Variants in NRG3 observed in about 807,000 individuals in gnomAD.
NRG3 encodes neuregulin 3.
NRG3 carries 31 observed loss-of-function variants against 66.9 expected under a neutral mutation model. That is an observed-to-expected ratio of 0.46 (90% CI 0.35 to 0.63). The LOEUF (loss-of-function observed/expected upper bound fraction) is 0.63, where lower values mean the gene tolerates loss of function less well. Among genes scored for constraint, NRG3 ranks in the 20% least tolerant of loss-of-function variants. The probability of loss-of-function intolerance (pLI) is 0.00; values close to 1 mark genes in which losing one functional copy is unlikely to be tolerated. For missense variants in NRG3, 910 were observed against 878.9 expected (o/e 1.04, Z -0.45); for synonymous variants, 393 against 359.4 (o/e 1.09, Z -1.06).
At chr10:82,105,481 C>T (rs2067003797) in intron 1 of NRG3, among the ~76,000 whole-genome samples, 2 of 152,114 alleles carry the variant, frequency 1.3e-5, no homozygotes, top group African/African-American at 4.8e-5. Flanking sequence ...GGGACCCTGT[C>T]TGGCATTGCA....
chr10:82,190,386 A>C (rs2074068346), intron 1 of NRG3, among the ~76,000 whole-genome samples: 1 of 152,216 alleles, frequency 6.6e-6, no homozygotes, highest in Non-Finnish European at 1.5e-5. Context: ...AAATTGAAAT[A>C]GATAATTTAA....
At chr10:81,999,297 A>T (rs6584455) in intron 1 of NRG3, among the ~76,000 whole-genome samples, 1 of 151,912 alleles carries the variant, frequency 6.6e-6, no homozygotes, top group Non-Finnish European at 1.5e-5. Flanking sequence ...AAATTGAAGA[A>T]AACGATAAAA....
chr10:82,931,956 T>G (rs1847618298), intron 4 of NRG3, among the ~76,000 whole-genome samples: 1 of 152,232 alleles, frequency 6.6e-6, no homozygotes, highest in Non-Finnish European at 1.5e-5. Flanking sequence ...ATTTGTGAAA[T>G]GAAGATAAAA....
chr10:82,956,439 G>A (rs948001914), intron 5 of NRG3, among the ~76,000 whole-genome samples: 8 of 151,894 alleles, frequency 5.3e-5, no homozygotes, highest in African/African-American at 1.9e-4. Context: ...AGAGAGGAGG[G>A]ATGGTAGATA....
chr10:82,520,421 C>T (rs527404405), intron 2 of NRG3, among the ~76,000 whole-genome samples: 117 of 152,080 alleles, frequency 7.7e-4, no homozygotes, highest in South Asian at 4.4e-3. Flanking sequence ...TACTCACACA[C>T]ATACACACAA....
At chr10:82,484,657 T>C (rs896614944) in intron 2 of NRG3, among the ~76,000 whole-genome samples, 2 of 152,250 alleles carry the variant, frequency 1.3e-5, no homozygotes, top group Non-Finnish European at 2.9e-5. Flanking sequence ...CCCTGCTCTT[T>C]AGCATGCAGG....
chr10:81,998,902 C>T (rs965301579), intron 1 of NRG3, among the ~76,000 whole-genome samples: 2 of 152,118 alleles, frequency 1.3e-5, no homozygotes, highest in African/African-American at 2.4e-5. Context: ...CTGCAACCTT[C>T]GCCTCCCAGG....
At chr10:82,494,271 GT>G (rs1284598426) in intron 2 of NRG3, among the ~76,000 whole-genome samples, 1 of 152,108 alleles carries the variant, frequency 6.6e-6, no homozygotes, top group Non-Finnish European at 1.5e-5. Context: ...AAGATAATTA[GT>G]TTTTTATCTT....
At chr10:82,368,005 A>T (rs1301007982) in intron 2 of NRG3, among the ~76,000 whole-genome samples, 2 of 152,140 alleles carry the variant, frequency 1.3e-5, no homozygotes, top group Non-Finnish European at 2.9e-5. Context: ...TCCATCTCTA[A>T]ATAAATAAAT....
chr10:82,064,728 A>G (rs2064356317), intron 1 of NRG3, among the ~76,000 whole-genome samples: 1 of 152,176 alleles, frequency 6.6e-6, no homozygotes, highest in Admixed American at 6.5e-5. Flanking sequence ...GTGCTGATGG[A>G]AGGGGTGACC....
At chr10:82,447,059 A>C (rs930197966) in intron 2 of NRG3, among the ~76,000 whole-genome samples, 6 of 152,228 alleles carry the variant, frequency 3.9e-5, no homozygotes, top group African/African-American at 1.4e-4. Context: ...GGAGAAGAAG[A>C]AAGACAGGAA....
intron 1 of NRG3, among the ~76,000 whole-genome samples, chr10:81,944,405 A>C (rs2133124993): frequency 6.6e-6 from 1 of 152,354 alleles, no homozygotes; most frequent in East Asian, 1.9e-4. Context: ...GAAATATGTC[A>C]CCATAACCTT....
At chr10:82,576,277 C>T (rs1190770881) in intron 2 of NRG3, among the ~76,000 whole-genome samples, 1 of 151,436 alleles carries the variant, frequency 6.6e-6, no homozygotes, top group Admixed American at 6.6e-5. Flanking sequence ...CCTGGGACAC[C>T]TTATCTTTTT....
At chr10:82,271,723 A>AG (rs1056120575) in intron 1 of NRG3, among the ~76,000 whole-genome samples, 1 of 152,088 alleles carries the variant, frequency 6.6e-6, no homozygotes, top group African/African-American at 2.4e-5. Flanking sequence ...CTGCTGTCAT[A>AG]TTTAATGCAT....
At chr10:82,048,184 G>C (rs4481970) in intron 1 of NRG3, among the ~76,000 whole-genome samples, 7,228 of 152,086 alleles carry the variant, frequency 0.048, 596 homozygotes, top group African/African-American at 0.17. Flanking sequence ...ACATTAGACA[G>C]ATCAACGAGA....
At chr10:81,923,548 G>T (rs540764021) in intron 1 of NRG3, among the ~76,000 whole-genome samples, 1 of 152,094 alleles carries the variant, frequency 6.6e-6, no homozygotes, top group Non-Finnish European at 1.5e-5. Context: ...GCCTTCATGC[G>T]CTGACTCCAG....
chr10:82,042,842 G>T (rs1301318378), intron 1 of NRG3, among the ~76,000 whole-genome samples: 1 of 151,966 alleles, frequency 6.6e-6, no homozygotes, highest in African/African-American at 2.4e-5. Flanking sequence ...GTGAATGCTA[G>T]GTCAACGTAT....
At chr10:81,981,723 C>G (rs1018079464) in intron 1 of NRG3, among the ~76,000 whole-genome samples, 1 of 152,166 alleles carries the variant, frequency 6.6e-6, no homozygotes, top group African/African-American at 2.4e-5. Context: ...GTCATTCTTT[C>G]ATTTCCTTGA....
intron 2 of NRG3, among the ~76,000 whole-genome samples, chr10:82,440,660 G>C (rs2090389725): frequency 6.6e-6 from 1 of 151,862 alleles, no homozygotes; most frequent in African/African-American, 2.4e-5. Flanking sequence ...AATCAGCTTT[G>C]AACTATGCAA....
Sources: allele counts gnomAD v4.1 joint callset (sites outside exome capture counted in the v4.1 genomes callset), GRCh38; gene constraint gnomAD v4.1.1; transcripts MANE v1.5; gene names NCBI Gene and HGNC (gene_info 2026-07-23, HGNC 2026-07-21).